Variants in PCDH9 observed in about 807,000 individuals in gnomAD.
PCDH9 encodes protocadherin 9, also known as protocadherin-9.
PCDH9 carries 24 observed loss-of-function variants against 70.6 expected under a neutral mutation model. That is an observed-to-expected ratio of 0.34 (90% CI 0.25 to 0.48). The LOEUF is 0.48. Among genes scored for constraint, PCDH9 ranks in the 20% least tolerant of loss-of-function variants. The pLI is 0.99. For synonymous variants in PCDH9, 562 were observed against 558.5 expected (o/e 1.01, Z -0.09); for missense variants, 1,281 against 1,503.6 (o/e 0.85, Z 2.45).
At chr13:66,841,810 G>T (rs2081121050) in intron 3 of PCDH9, among the ~76,000 whole-genome samples, 1 of 152,158 alleles carries the variant, frequency 6.6e-6, no homozygotes, top group African/African-American at 2.4e-5. Context: ...GTTTTATCTG[G>T]AGTCCTCCCA....
chr13:66,811,661 C>CCTGCCTTCCTGCCTGCCTGT (rs2080508559), intron 3 of PCDH9, among the ~76,000 whole-genome samples: 1 of 145,872 alleles, frequency 6.9e-6, no homozygotes, highest in Non-Finnish European at 1.5e-5. Context: ...GCCTGCCTAA[C>CCTGCCTTCCTGCCTGCCTGT]CTGCCTTCCT....
At chr13:66,812,694 A>G (rs1432196438) in intron 3 of PCDH9, among the ~76,000 whole-genome samples, 2 of 152,352 alleles carry the variant, frequency 1.3e-5, no homozygotes, top group Admixed American at 1.3e-4. Flanking sequence ...GAGCAGTAAC[A>G]TACATAACAA....
chr13:67,002,886 GTTCT>G (rs1432734441), intron 2 of PCDH9, among the ~76,000 whole-genome samples: 1 of 151,398 alleles, frequency 6.6e-6, no homozygotes, highest in Non-Finnish European at 1.5e-5. Flanking sequence ...TTATTTTATG[GTTCT>G]TTAACAGCAA....
intron 2 of PCDH9, among the ~76,000 whole-genome samples, chr13:67,180,011 C>T (rs1277113861): frequency 6.6e-6 from 1 of 152,112 alleles, no homozygotes; most frequent in East Asian, 1.9e-4. Context: ...CATATATAGT[C>T]AATTCTTCAT....
chr13:67,095,208 C>T (rs2086296034), intron 2 of PCDH9, among the ~76,000 whole-genome samples: 1 of 152,086 alleles, frequency 6.6e-6, no homozygotes, highest in Admixed American at 6.6e-5. Context: ...ATTACTCAGC[C>T]AGCATGGGAT....
intron 2 of PCDH9, among the ~76,000 whole-genome samples, chr13:67,107,826 C>A (rs2086578015): frequency 6.6e-6 from 1 of 152,184 alleles, no homozygotes; most frequent in African/African-American, 2.4e-5. Flanking sequence ...GAGCTACAGC[C>A]CTTCGAGGAG....
chr13:66,931,964 G>T (rs187280582), intron 2 of PCDH9, among the ~76,000 whole-genome samples: 226 of 152,128 alleles, frequency 1.5e-3, no homozygotes, highest in African/African-American at 4.7e-3. Context: ...ATGTGTGTGG[G>T]TGTATGTGTT....
intron 2 of PCDH9, among the ~76,000 whole-genome samples, chr13:67,042,647 T>C (rs1411114771): frequency 6.6e-6 from 1 of 152,198 alleles, no homozygotes; most frequent in Admixed American, 6.5e-5. Context: ...ACATTAGCAA[T>C]TGTCTTTCTT....
chr13:66,921,222 T>G (rs1181051015), intron 2 of PCDH9, among the ~76,000 whole-genome samples: 2 of 151,174 alleles, frequency 1.3e-5, no homozygotes, highest in African/African-American at 4.8e-5. Context: ...TTCAGATAAT[T>G]GGTATACTGT....
At chr13:66,907,047 T>C (rs1037619455) in intron 2 of PCDH9, among the ~76,000 whole-genome samples, 2 of 151,722 alleles carry the variant, frequency 1.3e-5, no homozygotes, top group Non-Finnish European at 2.9e-5. Context: ...CTACTGAAAA[T>C]ATAAAAATTA....
At chr13:66,868,807 A>G (rs2081620579) in intron 3 of PCDH9, among the ~76,000 whole-genome samples, 1 of 152,132 alleles carries the variant, frequency 6.6e-6, no homozygotes. Flanking sequence ...TGTATATCAG[A>G]CTTAGTGAAC....
At chr13:66,996,635 C>T (rs550326256) in intron 2 of PCDH9, among the ~76,000 whole-genome samples, 1 of 152,274 alleles carries the variant, frequency 6.6e-6, no homozygotes, top group East Asian at 1.9e-4. Flanking sequence ...TGTGTATGCT[C>T]AGTGCCTAGT....
At chr13:67,082,923 T>A (rs573635063) in intron 2 of PCDH9, among the ~76,000 whole-genome samples, 1 of 152,148 alleles carries the variant, frequency 6.6e-6, no homozygotes, top group Admixed American at 6.5e-5. Context: ...TTTCTGACAT[T>A]GATTCTATTT....
At chr13:66,393,386 G>C (rs1461486763) in intron 4 of PCDH9, among the ~76,000 whole-genome samples, 1 of 152,154 alleles carries the variant, frequency 6.6e-6, no homozygotes, top group South Asian at 2.1e-4. Flanking sequence ...GTAAAGAGCT[G>C]AGTTGGCACT....
intron 3 of PCDH9, among the ~76,000 whole-genome samples, chr13:66,730,892 T>TTTGTTTTTTG (rs1183811386): frequency 5.0e-4 from 12 of 23,914 alleles, no homozygotes; most frequent in Admixed American, 2.9e-3. Flanking sequence ...TTTTTGTTTG[T>TTTGTTTTTTG]TTCTTTTTTT....
At chr13:66,466,827 A>G (rs779208650) in intron 4 of PCDH9, among the ~76,000 whole-genome samples, 1 of 152,110 alleles carries the variant, frequency 6.6e-6, no homozygotes, top group South Asian at 2.1e-4. Flanking sequence ...TTCAAATATA[A>G]GTGATTGGGA....
intron 2 of PCDH9, among the ~76,000 whole-genome samples, chr13:67,131,871 C>T (rs903377400): frequency 2.0e-5 from 3 of 152,144 alleles, no homozygotes; most frequent in Non-Finnish European, 4.4e-5. Flanking sequence ...TCAGTTCTAA[C>T]AGATGTTGTA....
intron 3 of PCDH9, among the ~76,000 whole-genome samples, chr13:66,896,106 C>T (rs2082174347): frequency 3.3e-5 from 5 of 152,006 alleles, no homozygotes; most frequent in Admixed American, 3.3e-4. Flanking sequence ...CAAAACCAAG[C>T]CCATTTGTTT....
At chr13:66,393,660 C>G (rs1478133150) in intron 4 of PCDH9, among the ~76,000 whole-genome samples, 2 of 152,052 alleles carry the variant, frequency 1.3e-5, no homozygotes, top group African/African-American at 2.4e-5. Context: ...GCACAAGAAG[C>G]CCAGAAATAA....
Sources: allele counts gnomAD v4.1 joint callset (sites outside exome capture counted in the v4.1 genomes callset), GRCh38; gene constraint gnomAD v4.1.1; transcripts MANE v1.5; gene names NCBI Gene and HGNC (gene_info 2026-07-23, HGNC 2026-07-21).